The following CACNA2D1 variants were observed in gnomAD, a reference collection of about 807,000 sequenced individuals.
CACNA2D1 encodes the protein calcium voltage-gated channel auxiliary subunit alpha2delta 1.
Under a neutral mutation model 171.5 loss-of-function variants are expected in CACNA2D1, and 53 were observed. The observed-to-expected ratio is 0.31, with a 90% CI of 0.25 to 0.39. The LOEUF (loss-of-function observed/expected upper bound fraction) is 0.39. Ranked by LOEUF, CACNA2D1 falls within the 10% of genes least tolerant of loss-of-function variation. The pLI is 1.00. For synonymous variants in CACNA2D1, 442 were observed against 443.1 expected (o/e 1.00, Z 0.03); for missense variants, 903 against 1,299.8 (o/e 0.69, Z 4.69).
chr7:82,440,967 CA>C (rs1337481107), intron 1 of CACNA2D1, among the ~76,000 whole-genome samples: 44 of 138,650 alleles, frequency 3.2e-4, no homozygotes, highest in South Asian at 6.8e-4. Flanking sequence ...ATGAAACTGG[CA>C]AAAAAAAAAA....
intron 3 of CACNA2D1, among the ~76,000 whole-genome samples, chr7:82,265,072 G>A (rs1159821243): frequency 6.6e-6 from 1 of 152,142 alleles, no homozygotes; most frequent in African/African-American, 2.4e-5. Context: ...TATTGTTGGA[G>A]GAACTGCTGC....
chr7:81,954,081 C>T (rs1373757722), intron 38 of CACNA2D1, among the ~76,000 whole-genome samples: 1 of 152,040 alleles, frequency 6.6e-6, no homozygotes, highest in Non-Finnish European at 1.5e-5. Context: ...TAATGTATTT[C>T]ATAGAATCAT....
intron 3 of CACNA2D1, among the ~76,000 whole-genome samples, chr7:82,288,136 G>C (rs2368017): frequency 1.3e-5 from 2 of 151,638 alleles, no homozygotes; most frequent in African/African-American, 4.9e-5. Context: ...CACCGCGCCC[G>C]GCCCCAAGTT....
At chr7:82,310,802 G>A (rs910326876) in intron 3 of CACNA2D1, among the ~76,000 whole-genome samples, 18 of 152,172 alleles carry the variant, frequency 1.2e-4, no homozygotes, top group South Asian at 4.2e-4. Flanking sequence ...CTAAATCAAT[G>A]ACTATTATTT....
At position 82,431,014 on chromosome 7, in the gene CACNA2D1, A is replaced by G. The variant is rs145383118; in HGVS notation, c.95+12351T>C. Among the ~76,000 whole-genome samples, 470 of 152,320 alleles carry G rather than the reference A, an allele frequency of 3.1e-3. 1 individual carries two copies. Among genetic ancestry groups the G allele is most frequent in the African/African-American group, 0.011 (442 of 41,564 alleles). On this transcript the variant is annotated intron_variant, in intron 1 of 38. Coordinates refer to ENST00000356860, the MANE Select transcript of CACNA2D1 (RefSeq NM_000722.4). ...TGACTGAAATGTCACAACAAAGCAC[A>G]TCAAATGCTTTGTGGTTCTGCTTTC...
chr7:82,428,200 A>G (rs969423880), intron 1 of CACNA2D1, among the ~76,000 whole-genome samples: 3 of 152,250 alleles, frequency 2.0e-5, no homozygotes, highest in Non-Finnish European at 4.4e-5. Context: ...ACATACAAGA[A>G]TGAAGCTTTA....
At chr7:82,170,657 G>C (rs1360542176) in intron 3 of CACNA2D1, 48 bp from the exon 4 acceptor site, 5 of 1,524,198 alleles carry the variant, frequency 3.3e-6, no homozygotes, top group Non-Finnish European at 4.6e-6. Flanking sequence ...CACGTAATAT[G>C]GAATTGTTAT....
At chr7:81,976,241 G>A (rs1795823504) in intron 24 of CACNA2D1, among the ~76,000 whole-genome samples, 2 of 151,912 alleles carry the variant, frequency 1.3e-5, no homozygotes, top group African/African-American at 2.4e-5. Context: ...GCTCTTTTTT[G>A]GTTCCATATG....
At chr7:81,997,101 G>A (rs538454425) in intron 19 of CACNA2D1, 78 bp downstream of exon 19, 25 of 832,484 alleles carry the variant, frequency 3.0e-5, no homozygotes, top group Admixed American at 6.8e-5. Context: ...CATTGTAGCC[G>A]TTCAACAGAT....
chr7:81,998,132 T>TTTATCAAATTGATAAA (rs1450167300), intron 18 of CACNA2D1, among the ~76,000 whole-genome samples: 107 of 152,112 alleles, frequency 7.0e-4, no homozygotes, highest in Middle Eastern at 3.4e-3. Flanking sequence ...CAAAATACAG[T>TTTATCAAATTGATAAA]CAATTCCTCT....
At chr7:82,357,810 A>G (rs1429990815) in intron 1 of CACNA2D1, among the ~76,000 whole-genome samples, 2 of 151,506 alleles carry the variant, frequency 1.3e-5, no homozygotes, top group Non-Finnish European at 2.9e-5. Flanking sequence ...ATGTATACGT[A>G]TGTAACAAAC....
At chr7:82,311,224 T>C (rs1337281925) in intron 3 of CACNA2D1, among the ~76,000 whole-genome samples, 2 of 152,036 alleles carry the variant, frequency 1.3e-5, no homozygotes, top group South Asian at 2.1e-4. Flanking sequence ...TTTTTGTCCA[T>C]AAAAGCTTTT....
rs375861069 is a variant in CACNA2D1 at position 82,252,656 on chromosome 7, C to T, written c.295-82047G>A. On this transcript the variant is annotated intron_variant, in intron 3 of 38. Transcript: ENST00000356860. ...CCTGTAATCCCAGCAGTTTGGGAGG[C>T]CAAGGCGGGCAGATCATGAGGTCAA... Among the ~76,000 whole-genome samples, 464 of 152,242 alleles carry T rather than the reference C, an allele frequency of 3.0e-3. 2 individuals carry two copies. Among genetic ancestry groups the T allele is most frequent in the African/African-American group, 0.01 (433 of 41,554 alleles).
At chr7:82,001,315 C>CAGTA (rs1196488835) in intron 18 of CACNA2D1, among the ~76,000 whole-genome samples, 1 of 152,084 alleles carries the variant, frequency 6.6e-6, no homozygotes, top group African/African-American at 2.4e-5. Flanking sequence ...ACGTAGAAGT[C>CAGTA]AATTTACAAG....
intron 3 of CACNA2D1, among the ~76,000 whole-genome samples, chr7:82,283,045 A>T (rs1052728127): frequency 1.3e-5 from 2 of 152,206 alleles, no homozygotes; most frequent in Non-Finnish European, 2.9e-5. Flanking sequence ...ATCGAGAGAC[A>T]GATTTTGTTT....
At chr7:82,233,875 A>G (rs1452006555) in intron 3 of CACNA2D1, among the ~76,000 whole-genome samples, 3 of 152,046 alleles carry the variant, frequency 2.0e-5, no homozygotes, top group Non-Finnish European at 4.4e-5. Flanking sequence ...TTAGAAGGCA[A>G]TTGGCCCAAA....
intron 6 of CACNA2D1, among the ~76,000 whole-genome samples, chr7:82,093,007 T>G (rs1811404679): frequency 1.3e-5 from 2 of 152,102 alleles, no homozygotes; most frequent in Non-Finnish European, 2.9e-5. Context: ...GGTTTTTTTT[T>G]GTTTTGTTTT....
chr7:82,240,353 T>C (rs1173388283), intron 3 of CACNA2D1, among the ~76,000 whole-genome samples: 3 of 152,220 alleles, frequency 2.0e-5, no homozygotes, highest in Admixed American at 1.3e-4. Context: ...ATCTTCTCCA[T>C]TCTGCCATCA....
At chr7:82,441,741 T>A (rs1362824708) in intron 1 of CACNA2D1, among the ~76,000 whole-genome samples, 2 of 152,170 alleles carry the variant, frequency 1.3e-5, no homozygotes, top group East Asian at 3.9e-4. Context: ...AACAACACTG[T>A]AAAAATGAGT....
Sources: allele counts gnomAD v4.1 joint callset (sites outside exome capture counted in the v4.1 genomes callset), GRCh38; gene constraint gnomAD v4.1.1; transcripts MANE v1.5; gene names NCBI Gene and HGNC (gene_info 2026-07-23, HGNC 2026-07-21).